The following ZNF438 variants were observed in gnomAD, a reference collection of about 807,000 sequenced individuals.
ZNF438 encodes zinc finger protein 438.
A neutral mutation model predicts 38.0 loss-of-function variants in ZNF438; 25 were observed. That is an observed-to-expected ratio of 0.66 (90% CI 0.48 to 0.92). The LOEUF (loss-of-function observed/expected upper bound fraction) is 0.92. Among genes scored for constraint, ZNF438 ranks in the 40% least tolerant of loss-of-function variants. ZNF438 has a pLI of 0.00. For synonymous variants in ZNF438, 372 were observed against 364.1 expected, an observed-to-expected ratio of 1.02 and a Z score of -0.25; for missense variants, 1,007 against 999.6, an observed-to-expected ratio of 1.01 and a Z score of -0.10.
rs1019863291 is a variant in ZNF438, at chr10:30,961,760, C to T, written c.-191-20109G>A. 1.2e-4 allele frequency among the ~76,000 whole-genome samples: 18 copies of T among 145,508 alleles called. 4 individuals carry two copies. The highest frequency in any genetic ancestry group is 2.0e-4 in the Non-Finnish European group (13 of 64,122). ...GAGATTGGCCGGGTGTGGTGGCGTG[C>T]GCCTGTGATCCTAGCTACTCAGGAG... is the stretch of plus-strand genomic sequence containing the variant. On this transcript the variant is annotated intron_variant, in intron 1 of 5. Coordinates refer to ENST00000413025, the Ensembl canonical transcript of ZNF438.
At chr10:30,902,280 G>A (rs1218148177) in intron 3 of ZNF438, among the ~76,000 whole-genome samples, 2 of 152,182 alleles carry the variant, frequency 1.3e-5, no homozygotes, top group African/African-American at 4.8e-5. Context: ...GCTGATTGGT[G>A]TGTTTACAAT....
intron 1 of ZNF438, among the ~76,000 whole-genome samples, chr10:31,007,836 T>TAGAATTTA (rs1259514798): frequency 6.6e-6 from 1 of 152,204 alleles, no homozygotes; most frequent in East Asian, 1.9e-4. Context: ...GACTCAGTTC[T>TAGAATTTA]AGAATTTACT....
chr10:30,854,630 G>A (rs1368802940), intron 4 of ZNF438, among the ~76,000 whole-genome samples: 1 of 152,202 alleles, frequency 6.6e-6, no homozygotes, highest in African/African-American at 2.4e-5. Flanking sequence ...ATCTTAAAAT[G>A]TAATTTTATT....
intron 1 of ZNF438, among the ~76,000 whole-genome samples, chr10:30,949,877 C>G (rs1307796025): frequency 1.3e-5 from 2 of 152,148 alleles, no homozygotes; most frequent in Non-Finnish European, 2.9e-5. Context: ...GAATTGAACT[C>G]AGCTCTGCAC....
rs536088586 is a variant in ZNF438, at chr10:30,889,259, A to C, written c.-31-12194T>G. 2.0e-5 allele frequency among the ~76,000 whole-genome samples: 3 copies of C among 152,368 alleles called. No homozygotes were observed. In the South Asian group the frequency reaches 6.2e-4, roughly 32 times the overall value. Reference sequence around the variant, plus strand: ...CTTTAGAGGAGCTAAAACTTAATCTACAGAATAAATTTTAATCCACATAGT... The same window carrying C: ...CTTTAGAGGAGCTAAAACTTAATCTCCAGAATAAATTTTAATCCACATAGT... On this transcript the variant is annotated intron_variant, in intron 3 of 5. Transcript: ENST00000413025.
At chr10:30,848,869 G>A in exon 5 of ZNF438, 1 of 1,614,220 alleles carries the variant, frequency 6.2e-7, no homozygotes, top group Non-Finnish European at 8.5e-7. Flanking sequence ...AGTGGTGGTT[G>A]CAGACGTGAC....
intron 4 of ZNF438, among the ~76,000 whole-genome samples, chr10:30,860,289 T>C (rs2035357419): frequency 6.6e-6 from 1 of 152,210 alleles, no homozygotes; most frequent in Non-Finnish European, 1.5e-5. Flanking sequence ...TCTATTAGCA[T>C]TAGATGACAT....
chr10:31,028,203 G>A (rs926360535), intron 1 of ZNF438, among the ~76,000 whole-genome samples: 2 of 151,958 alleles, frequency 1.3e-5, no homozygotes, highest in African/African-American at 4.8e-5. Flanking sequence ...TATTCCAATA[G>A]GTGGAACTTT....
At chr10:30,921,304 TAA>T (rs2044270745) in intron 2 of ZNF438, 1 of 152,244 alleles carries the variant, frequency 6.6e-6, no homozygotes. Context: ...GTTGCCTCAA[TAA>T]AGTCTCAAAT....
At chr10:30,915,651 T>C (rs1443320495) in intron 2 of ZNF438, among the ~76,000 whole-genome samples, 1 of 152,102 alleles carries the variant, frequency 6.6e-6, no homozygotes, top group Non-Finnish European at 1.5e-5. Context: ...AAAAAATCTA[T>C]AAATATCTTG....
intron 1 of ZNF438, among the ~76,000 whole-genome samples, chr10:30,950,333 A>G (rs1302147097): frequency 6.6e-6 from 1 of 151,376 alleles, no homozygotes; most frequent in Non-Finnish European, 1.5e-5. Context: ...ATCACAATTA[A>G]AAGAACTAGA....
At chr10:30,972,202 C>T (rs2050820656) in intron 1 of ZNF438, among the ~76,000 whole-genome samples, 1 of 152,160 alleles carries the variant, frequency 6.6e-6, no homozygotes, top group Admixed American at 6.5e-5. Flanking sequence ...ATCTCCTTAC[C>T]TCGTGATCCA....
At chr10:31,012,041 A>G (rs951083584) in intron 1 of ZNF438, among the ~76,000 whole-genome samples, 1 of 151,396 alleles carries the variant, frequency 6.6e-6, no homozygotes, top group East Asian at 1.9e-4. Flanking sequence ...AGACATCTGC[A>G]TTGCTGTGCC....
At chr10:30,995,506 G>A (rs925481934) in intron 1 of ZNF438, among the ~76,000 whole-genome samples, 6 of 152,086 alleles carry the variant, frequency 3.9e-5, no homozygotes, top group African/African-American at 1.4e-4. Flanking sequence ...AATACTAAAG[G>A]AAATTCTTCA....
intron 3 of ZNF438, among the ~76,000 whole-genome samples, chr10:30,877,266 A>G (rs916250846): frequency 6.6e-5 from 10 of 152,204 alleles, no homozygotes; most frequent in African/African-American, 2.4e-4. Flanking sequence ...TGAATGTACT[A>G]GAATGGGCTT....
intron 1 of ZNF438, among the ~76,000 whole-genome samples, chr10:30,967,220 C>T (rs2050217878): frequency 6.6e-6 from 1 of 152,068 alleles, no homozygotes; most frequent in African/African-American, 2.4e-5. Flanking sequence ...TTTTTGCCAA[C>T]CACAAAAATT....
chr10:30,981,877 C>CA (rs113602194), intron 1 of ZNF438, among the ~76,000 whole-genome samples: 14,386 of 106,434 alleles, frequency 0.14, 757 homozygotes, highest in African/African-American at 0.16. Flanking sequence ...GACTCCATCT[C>CA]AAAAAAAAAA....
intron 1 of ZNF438, among the ~76,000 whole-genome samples, chr10:31,021,005 G>C (rs2056552078): frequency 6.6e-6 from 1 of 150,438 alleles, no homozygotes; most frequent in Non-Finnish European, 1.5e-5. Flanking sequence ...TGACACAAAA[G>C]CTGTAGATTA....
intron 1 of ZNF438, among the ~76,000 whole-genome samples, chr10:30,961,933 T>C (rs1456250367): frequency 1.4e-5 from 2 of 145,742 alleles, no homozygotes; most frequent in Non-Finnish European, 3.1e-5. Flanking sequence ...TGGTACTTTC[T>C]AAACAAAATG....
Sources: allele counts gnomAD v4.1 joint callset (sites outside exome capture counted in the v4.1 genomes callset), GRCh38; gene constraint gnomAD v4.1.1; transcripts MANE v1.5; gene names NCBI Gene and HGNC (gene_info 2026-07-23, HGNC 2026-07-21).